The following AFG2A variants were observed in gnomAD, a reference collection of about 807,000 sequenced individuals.
The protein encoded by AFG2A is AAA ATPase AFG2A.
chr4:122,986,052 G>A, the AFG2A span, among the ~76,000 whole-genome samples: 1 of 152,018 alleles, frequency 6.6e-6, no homozygotes, highest in African/African-American at 2.4e-5. Context: ...TCAGGAGCAG[G>A]TTATTTAATT....
the AFG2A span, among the ~76,000 whole-genome samples, chr4:123,205,455 A>T: frequency 1.0e-3 from 159 of 152,326 alleles, no homozygotes; most frequent in African/African-American, 3.7e-3. Flanking sequence ...TTAAGAAAAA[A>T]AAACAGTAAA....
chr4:123,220,487 G>A, the AFG2A span, among the ~76,000 whole-genome samples: 368 of 151,712 alleles, frequency 2.4e-3, 2 homozygotes, highest in Middle Eastern at 0.014. Context: ...GGTGGTGCAC[G>A]CCTGTAATCC....
the AFG2A span, among the ~76,000 whole-genome samples, chr4:123,025,048 A>C: frequency 5.4e-4 from 83 of 152,322 alleles, no homozygotes; most frequent in African/African-American, 2.0e-3. Flanking sequence ...TGTAAATAGA[A>C]GCACTGACAA....
the AFG2A span, among the ~76,000 whole-genome samples, chr4:123,223,473 C>T: frequency 6.6e-6 from 1 of 152,090 alleles, no homozygotes; most frequent in Non-Finnish European, 1.5e-5. Context: ...TTAATGGTTC[C>T]ACAAGCTATC....
chr4:122,937,870 T>G, the AFG2A span, among the ~76,000 whole-genome samples: 1 of 152,178 alleles, frequency 6.6e-6, no homozygotes, highest in African/African-American at 2.4e-5. Context: ...TAAGAGACTC[T>G]TATCTTTTAA....
chr4:123,178,704 GCTGTTTTTTATAAA>G, the AFG2A span, among the ~76,000 whole-genome samples: 1 of 152,048 alleles, frequency 6.6e-6, no homozygotes, highest in Non-Finnish European at 1.5e-5. Context: ...TAAAAATTGG[GCTGTTTTTTATAAA>G]TTGTCCAAAT....
the AFG2A span, among the ~76,000 whole-genome samples, chr4:123,018,664 C>A: frequency 2.0e-5 from 3 of 151,576 alleles, no homozygotes; most frequent in Non-Finnish European, 2.9e-5. Flanking sequence ...GACAGAGTCT[C>A]GCTGTGTCAC....
chr4:123,187,671 T>G, the AFG2A span, among the ~76,000 whole-genome samples: 28 of 151,884 alleles, frequency 1.8e-4, no homozygotes, highest in South Asian at 2.9e-3. Flanking sequence ...ATACTCTAGG[T>G]TTTTTTTGTA....
chr4:123,288,519 A>T, the AFG2A span, among the ~76,000 whole-genome samples: 3 of 152,204 alleles, frequency 2.0e-5, no homozygotes, highest in Non-Finnish European at 4.4e-5. Context: ...CCACATGAAC[A>T]AACTTTCTTT....
the AFG2A span, among the ~76,000 whole-genome samples, chr4:123,187,903 G>A: frequency 6.6e-6 from 1 of 151,696 alleles, no homozygotes; most frequent in East Asian, 1.9e-4. Flanking sequence ...GGCTGAGGCA[G>A]GAGGATCACT....
At chr4:123,224,069 T>C in the AFG2A span, among the ~76,000 whole-genome samples, 1 of 152,208 alleles carries the variant, frequency 6.6e-6, no homozygotes, top group Admixed American at 6.5e-5. Context: ...TTTAAATCTT[T>C]AATCCTTTTT....
chr4:123,051,638 A>C, the AFG2A span, among the ~76,000 whole-genome samples: 1,447 of 101,452 alleles, frequency 0.014, 37 homozygotes, highest in African/African-American at 0.049. Flanking sequence ...AAATTTCCTC[A>C]GCTTTTTTTT....
chr4:123,016,772 G>T, the AFG2A span, among the ~76,000 whole-genome samples: 5 of 152,136 alleles, frequency 3.3e-5, no homozygotes, highest in Non-Finnish European at 7.3e-5. Context: ...AAGGCAGGCG[G>T]CTGGGAGGTG....
chr4:123,240,253 T>G, the AFG2A span, among the ~76,000 whole-genome samples: 1 of 152,186 alleles, frequency 6.6e-6, no homozygotes, highest in Non-Finnish European at 1.5e-5. Context: ...TATCCAGGAC[T>G]TGAACTCAGC....
chr4:123,118,542 A>T, the AFG2A span, among the ~76,000 whole-genome samples: 1 of 151,604 alleles, frequency 6.6e-6, no homozygotes, highest in Non-Finnish European at 1.5e-5. Flanking sequence ...ATAGTTATTC[A>T]ACCAGTGCCT....
At chr4:123,146,015 CAT>C in the AFG2A span, among the ~76,000 whole-genome samples, 4 of 151,986 alleles carry the variant, frequency 2.6e-5, no homozygotes, top group African/African-American at 7.2e-5. Context: ...CCTGTTAACA[CAT>C]GTGATAAATG....
At chr4:123,076,990 G>A in the AFG2A span, among the ~76,000 whole-genome samples, 5 of 151,074 alleles carry the variant, frequency 3.3e-5, no homozygotes, top group African/African-American at 1.2e-4. Flanking sequence ...GTGGTGGGGC[G>A]GGGGGGTTGT....
chr4:123,183,933 T>TATTC, the AFG2A span, among the ~76,000 whole-genome samples: 66,104 of 137,072 alleles, frequency 0.48, 16,226 homozygotes, highest in Non-Finnish European at 0.55. Context: ...CTTGCTTATT[T>TATTC]ATTCATTCAT....
At chr4:123,043,275 C>A in the AFG2A span, among the ~76,000 whole-genome samples, 2 of 152,162 alleles carry the variant, frequency 1.3e-5, no homozygotes. Flanking sequence ...TCTCATTTCT[C>A]TTAAGACTTT....
Sources: allele counts gnomAD v4.1 joint callset (sites outside exome capture counted in the v4.1 genomes callset), GRCh38; gene constraint gnomAD v4.1.1; transcripts MANE v1.5; gene names NCBI Gene and HGNC (gene_info 2026-07-23, HGNC 2026-07-21).